Variants in RBFOX1 observed in about 807,000 individuals in gnomAD.
The protein encoded by RBFOX1 is RNA binding fox-1 homolog 1.
Under a neutral mutation model 57.7 loss-of-function variants are expected in RBFOX1, and 8 were observed. The ratio of observed to expected loss-of-function variants is 0.14; its 90% CI spans 0.08 to 0.25. RBFOX1 has a LOEUF of 0.25. Among genes scored for constraint, RBFOX1 ranks in the 10% least tolerant of loss-of-function variants. The pLI is 1.00. For synonymous variants in RBFOX1, 326 were observed against 222.4 expected (o/e 1.47, Z -4.15); for missense variants, 611 against 548.5 (o/e 1.11, Z -1.14).
intron 13 of RBFOX1, among the ~76,000 whole-genome samples, chr16:7,674,252 G>C (rs1330032913): frequency 6.6e-6 from 1 of 152,120 alleles, no homozygotes; most frequent in African/African-American, 2.4e-5. Flanking sequence ...ACATGTTTCA[G>C]GGATCATTTA....
intron 4 of RBFOX1, among the ~76,000 whole-genome samples, chr16:7,277,496 A>C (rs1403099247): frequency 1.3e-5 from 2 of 152,214 alleles, no homozygotes; most frequent in African/African-American, 4.8e-5. Context: ...GGATGAAGCC[A>C]CAATTGTTAG....
At chr16:6,383,711 A>G (rs1443104978) in intron 2 of RBFOX1, among the ~76,000 whole-genome samples, 1 of 152,114 alleles carries the variant, frequency 6.6e-6, no homozygotes. Context: ...CAGAGGTTGC[A>G]GTGAGCCAAC....
chr16:5,277,565 C>T (rs945700325), intron 1 of RBFOX1, among the ~76,000 whole-genome samples: 4 of 152,098 alleles, frequency 2.6e-5, no homozygotes, highest in African/African-American at 4.8e-5. Context: ...TTTTCAAACC[C>T]CTCCTCTTCC....
At chr16:6,724,219 T>TC (rs551448629) in intron 3 of RBFOX1, among the ~76,000 whole-genome samples, 3,307 of 151,070 alleles carry the variant, frequency 0.022, 178 homozygotes, top group Admixed American at 0.11. Context: ...TTTTTTTTTT[T>TC]TTTTTTTGAG....
chr16:7,349,744 A>G (rs75773962), intron 4 of RBFOX1, among the ~76,000 whole-genome samples: 3,231 of 152,272 alleles, frequency 0.021, 47 homozygotes, highest in South Asian at 0.069. Flanking sequence ...GTGCTAGACA[A>G]TACAGTTCCA....
intron 4 of RBFOX1, among the ~76,000 whole-genome samples, chr16:7,452,988 G>A (rs912811954): frequency 6.6e-6 from 1 of 151,986 alleles, no homozygotes; most frequent in Non-Finnish European, 1.5e-5. Flanking sequence ...AATTAGCAGG[G>A]CATGGTGGTG....
At chr16:6,474,374 G>T (rs1357167866) in intron 2 of RBFOX1, among the ~76,000 whole-genome samples, 2 of 152,198 alleles carry the variant, frequency 1.3e-5, no homozygotes, top group Non-Finnish European at 2.9e-5. Context: ...CTCTTTTCCT[G>T]TCAGTCGCCC....
intron 4 of RBFOX1, among the ~76,000 whole-genome samples, chr16:5,886,121 C>G (rs569809413): frequency 7.9e-5 from 12 of 152,306 alleles, no homozygotes; most frequent in African/African-American, 2.6e-4. Flanking sequence ...CTTCCTGAGG[C>G]CTCCCAGCCC....
intron 2 of RBFOX1, among the ~76,000 whole-genome samples, chr16:5,594,969 TAAAAAAAAAAA>T (rs34885484): frequency 2.2e-5 from 2 of 90,454 alleles, no homozygotes; most frequent in Admixed American, 1.3e-4. Context: ...CTGTCTCTAC[TAAAAAAAAAAA>T]AAAAAAAAAA....
rs77629998 is a variant in RBFOX1, at chr16:5,435,954, G to A, written c.220-31262G>A. The stretch of plus-strand genomic sequence containing the variant: ...GTACACACCTTTGATTACTTCCTTA[G>A]GAATTTGAAGTCTTTGAAGATTTTA... On this transcript the variant is annotated intron_variant, in intron 1 of 2. Coordinates refer to the RBFOX1 transcript ENST00000585867. Among the ~76,000 whole-genome samples the A allele has an allele frequency of 3.3e-5, 5 of 152,268 alleles. No individual in the cohort carries two copies. In the South Asian group the frequency reaches 1.0e-3, roughly 32 times the overall value.
At chr16:7,395,469 G>T (rs750262385) in intron 4 of RBFOX1, among the ~76,000 whole-genome samples, 1 of 152,214 alleles carries the variant, frequency 6.6e-6, no homozygotes, top group Non-Finnish European at 1.5e-5. Flanking sequence ...GATTTTATCT[G>T]CAGTAAGAAC....
chr16:7,693,784 T>C (rs1342706729), intron 14 of RBFOX1, among the ~76,000 whole-genome samples: 2 of 152,178 alleles, frequency 1.3e-5, no homozygotes, highest in African/African-American at 4.8e-5. Flanking sequence ...CTTTATGGAA[T>C]ATTAGAGGCT....
chr16:6,550,364 A>G (rs541063334), intron 2 of RBFOX1, among the ~76,000 whole-genome samples: 2 of 152,266 alleles, frequency 1.3e-5, no homozygotes, highest in African/African-American at 4.8e-5. Flanking sequence ...TTCATTACAG[A>G]CAAGCCTTCA....
intron 4 of RBFOX1, among the ~76,000 whole-genome samples, chr16:7,243,843 T>C (rs975734694): frequency 1.3e-5 from 2 of 152,112 alleles, no homozygotes; most frequent in Non-Finnish European, 2.9e-5. Flanking sequence ...AGCCACTGCA[T>C]CCTACCCCTT....
chr16:6,527,282 A>G (rs145010980), intron 2 of RBFOX1, among the ~76,000 whole-genome samples: 3 of 152,074 alleles, frequency 2.0e-5, no homozygotes, highest in African/African-American at 7.2e-5. Context: ...TTGTCTGTAT[A>G]TTTTCAGAAA....
chr16:5,549,588 A>G (rs1320644619), intron 2 of RBFOX1, among the ~76,000 whole-genome samples: 1 of 152,232 alleles, frequency 6.6e-6, no homozygotes, highest in Non-Finnish European at 1.5e-5. Context: ...TGACTATACT[A>G]TGCAGAATTG....
chr16:6,099,728 G>C (rs534385526), intron 1 of RBFOX1, among the ~76,000 whole-genome samples: 13 of 152,292 alleles, frequency 8.5e-5, no homozygotes, highest in African/African-American at 3.1e-4. Flanking sequence ...TTTGAGAGGA[G>C]ACTGTATACA....
At chr16:5,569,141 T>C (rs1473355436) in intron 2 of RBFOX1, among the ~76,000 whole-genome samples, 1 of 151,996 alleles carries the variant, frequency 6.6e-6, no homozygotes, top group African/African-American at 2.4e-5. Context: ...TGAGCCACCA[T>C]GCCCGGCTGA....
intron 3 of RBFOX1, among the ~76,000 whole-genome samples, chr16:5,605,720 G>GAGAGT (rs2047550714): frequency 6.6e-6 from 1 of 152,072 alleles, no homozygotes; most frequent in African/African-American, 2.4e-5. Context: ...TCTAGGAGGG[G>GAGAGT]AGAGTAGGGC....
Sources: gnomAD v4.1 joint callset for allele counts (sites outside exome capture counted in the v4.1 genomes callset) on GRCh38, gnomAD v4.1.1 for gene constraint, MANE v1.5 for transcripts, NCBI Gene and HGNC (gene_info 2026-07-23, HGNC 2026-07-21) for gene names.